KDM1B: variants seen among roughly 807,000 people sequenced by gnomAD.
The protein encoded by KDM1B is lysine-specific histone demethylase 2.
KDM1B carries 63 observed loss-of-function variants against 107.4 expected under a neutral mutation model. That is an observed-to-expected ratio of 0.59 (90% CI 0.48 to 0.72). KDM1B has a LOEUF of 0.72. Among genes scored for constraint, KDM1B ranks in the 30% least tolerant of loss-of-function variants. The pLI is 0.00. For missense variants in KDM1B, 749 were observed against 1,020.8 expected, an observed-to-expected ratio of 0.73 and a Z score of 3.63; for synonymous variants, 363 against 363.9, an observed-to-expected ratio of 1.00 and a Z score of 0.03.
chr6:18,170,850 T>TTGC (rs905929095), intron 6 of KDM1B, among the ~76,000 whole-genome samples: 1 of 151,560 alleles, frequency 6.6e-6, no homozygotes, highest in Non-Finnish European at 1.5e-5. Context: ...AGACGGAGTC[T>TTGC]TGCTCCGTTG....
rs764724180 is a variant in KDM1B at position 18,172,140 on chromosome 6, A to G, written c.534+661A>G. Among the ~76,000 whole-genome samples the G allele has an allele frequency of 2.0e-5, 3 of 152,216 alleles. No individual in the cohort carries two copies. Among genetic ancestry groups the G allele is most frequent in the Non-Finnish European group, 2.9e-5 (2 of 68,038 alleles). Reference sequence around the variant, plus strand: ...AGCCGGATCCTATTAGTGAGGAAGAAAAGATTAATTGATATGCTTGGCAAT... The same window carrying G: ...AGCCGGATCCTATTAGTGAGGAAGAGAAGATTAATTGATATGCTTGGCAAT... On this transcript the variant is annotated intron_variant, in intron 7 of 21. Coordinates refer to ENST00000650836, the MANE Select transcript of KDM1B (RefSeq NM_001364614.2). The surrounding 1 kb of genome is among the most constrained non-coding windows in gnomAD (Gnocchi z 5.2).
At chr6:18,163,908 G>C (rs1409172791) in intron 5 of KDM1B, among the ~76,000 whole-genome samples, 1 of 152,104 alleles carries the variant, frequency 6.6e-6, no homozygotes, top group Non-Finnish European at 1.5e-5. Context: ...TGTCAGGTGG[G>C]TCTATCAGTG....
At chr6:18,167,855 C>T (rs895204078) in intron 6 of KDM1B, among the ~76,000 whole-genome samples, 1 of 152,060 alleles carries the variant, frequency 6.6e-6, no homozygotes, top group Non-Finnish European at 1.5e-5. Flanking sequence ...CTCGGTCTCC[C>T]AGGCTCAAGT....
intron 12 of KDM1B, among the ~76,000 whole-genome samples, chr6:18,198,748 T>C (rs1787833155): frequency 6.6e-6 from 1 of 151,422 alleles, no homozygotes; most frequent in South Asian, 2.1e-4. Flanking sequence ...GTATTAGATA[T>C]TTGGGCCAAG....
intron 7 of KDM1B, among the ~76,000 whole-genome samples, chr6:18,178,479 G>A (rs958043960): frequency 1.3e-5 from 2 of 150,892 alleles, no homozygotes; most frequent in Non-Finnish European, 3.0e-5. Context: ...TGCAACCTCC[G>A]CCTCCCAGGT....
At chr6:18,187,510 C>G (rs1786949153) in intron 8 of KDM1B, among the ~76,000 whole-genome samples, 1 of 152,108 alleles carries the variant, frequency 6.6e-6, no homozygotes, top group South Asian at 2.1e-4. Context: ...TCAGACTCAC[C>G]TGGCATTGGG....
chr6:18,220,021 C>G (rs1789559477), intron 21 of KDM1B, among the ~76,000 whole-genome samples: 1 of 152,196 alleles, frequency 6.6e-6, no homozygotes, highest in Non-Finnish European at 1.5e-5. Context: ...TAAGCCAATC[C>G]TGTTTTCACC....
chr6:18,198,542 T>G (rs1787805293), intron 12 of KDM1B, among the ~76,000 whole-genome samples: 1 of 151,632 alleles, frequency 6.6e-6, no homozygotes, highest in African/African-American at 2.4e-5. Context: ...AGTTAAATTT[T>G]TTTATGCCCG....
In KDM1B at chr6:18,210,342, C is replaced by CTTTTTTTTTTTTTTTTTTTTTTTT. The variant is rs533016543; in HGVS notation, c.1867-2139_1867-2116dup. On this transcript the variant is annotated intron_variant, in intron 17 of 21. Transcript: ENST00000650836. The stretch of plus-strand genomic sequence containing the variant: ...TCTTTCTTTTTTTTCTCTTTCTTTT[C>CTTTTTTTTTTTTTTTTTTTTTTTT]TTTTTTTTTTTTTTTTTTTTTTTTT... Among the ~76,000 whole-genome samples the CTTTTTTTTTTTTTTTTTTTTTTTT allele has an allele frequency of 1.6e-3, 114 of 69,992 alleles. 12 individuals carry two copies. The highest frequency in any genetic ancestry group is 9.3e-3 in the Middle Eastern group (1 of 108). 45.9% of individuals were successfully genotyped at this position (69,992 alleles called of 152,430 possible).
chr6:18,200,670 A>G lies in KDM1B; in HGVS notation c.1359+94A>G. ...TATTAATATGCTTCTAAAGTAAATT[A>G]CATATAACAGCCCCCTCATCTCCTA... On this transcript the variant is annotated intron_variant, in intron 13 of 21. Coordinates refer to ENST00000650836, the MANE Select transcript of KDM1B (RefSeq NM_001364614.2). This position sits in a 1 kb window ranked among gnomAD's most constrained non-coding sequence, Gnocchi z 4.3. 1 of 1,136,716 alleles carries G rather than the reference A, an allele frequency of 8.8e-7. No individual in the cohort carries two copies. 70.4% of individuals were successfully genotyped at this position (1,136,716 alleles called of 1,614,324 possible).
intron 7 of KDM1B, among the ~76,000 whole-genome samples, chr6:18,175,299 C>G (rs1345960222): frequency 6.6e-6 from 1 of 152,106 alleles, no homozygotes; most frequent in Non-Finnish European, 1.5e-5. Context: ...TGAGAATTGT[C>G]TATTCATATC....
At chr6:18,181,312 CT>C (rs1010653795) in intron 7 of KDM1B, among the ~76,000 whole-genome samples, 1 of 151,550 alleles carries the variant, frequency 6.6e-6, no homozygotes, top group Non-Finnish European at 1.5e-5. Context: ...ACTACACACA[CT>C]TTTTTTTTCT....
At chr6:18,195,698 G>A (rs911242741) in intron 10 of KDM1B, among the ~76,000 whole-genome samples, 2 of 135,036 alleles carry the variant, frequency 1.5e-5, no homozygotes, top group African/African-American at 5.9e-5. Flanking sequence ...TTGTGCCACT[G>A]CACTCCAGCC....
chr6:18,179,842 T>A (rs571108460), intron 7 of KDM1B, among the ~76,000 whole-genome samples: 67,244 of 81,274 alleles, frequency 0.83, 30,620 homozygotes, highest in Non-Finnish European at 0.86. Flanking sequence ...TAGCATTGGT[T>A]TTTTTTCCTT....
intron 20 of KDM1B, among the ~76,000 whole-genome samples, chr6:18,217,230 A>T (rs1232594712): frequency 1.3e-5 from 2 of 152,178 alleles, no homozygotes; most frequent in Non-Finnish European, 2.9e-5. Context: ...GAAAGAGAGG[A>T]TAAGACACAA....
In KDM1B at chr6:18,186,676, T is replaced by C. The variant is rs764014776; in HGVS notation, c.573+866T>C. ...GGGTTAACTGACTCACAGTTCTGCA[T>C]GGCTGGGGAGGCCTCAGGAAACTTA... On this transcript the variant is annotated intron_variant, in intron 8 of 21. Transcript: ENST00000650836. The surrounding 1 kb of genome is among the most constrained non-coding windows in gnomAD (Gnocchi z 5.6). 1.3e-5 allele frequency among the ~76,000 whole-genome samples: 2 copies of C among 152,158 alleles called. No homozygotes were observed. The highest frequency in any genetic ancestry group is 2.9e-5 in the Non-Finnish European group (2 of 68,022).
Position 18,162,214 on chromosome 6 carries a change from A to G in KDM1B, c.216-621A>G, listed in dbSNP as rs1312322647. On this transcript the variant is annotated intron_variant, in intron 4 of 21. Transcript: ENST00000650836. This position sits in a 1 kb window ranked among gnomAD's most constrained non-coding sequence, Gnocchi z 4.1. ...CAGAAGCCTGTAATCCCAGCCACTC[A>G]GGAGGCTGAGGCATGAGAATCGCTT... Among the ~76,000 whole-genome samples the G allele has an allele frequency of 6.6e-6, 1 of 152,094 alleles. No individual in the cohort carries two copies. The highest frequency in any genetic ancestry group is 1.5e-5 in the Non-Finnish European group (1 of 68,016).
At chr6:18,190,785 A>G (rs781036582) in intron 9 of KDM1B, among the ~76,000 whole-genome samples, 56 of 152,072 alleles carry the variant, frequency 3.7e-4, no homozygotes, top group Middle Eastern at 3.4e-3. Context: ...CTGTAATCCC[A>G]GCTACTCAAG....
At position 18,221,911 on chromosome 6, in the gene KDM1B, A is replaced by G; in HGVS notation, c.2388A>G (p.Ala796=). Reference sequence around the variant, plus strand: ...AATTATGTAATTATGTTTTACAGGCAACAAACAGGCATTTCCCACAAACTG... The same window carrying G: ...AATTATGTAATTATGTTTTACAGGCGACAAACAGGCATTTCCCACAAACTG... ...IQGTVFFAGE[A]TNRHFPQTVT... Residue 796 remains alanine (A), a splice_region_variant and synonymous_variant, in exon 22 of 22, where the codon GCA becomes GCG. Transcript: ENST00000650836. The G allele has an allele frequency of 6.2e-7, 1 of 1,600,332 alleles. No individual in the cohort carries two copies. Among genetic ancestry groups the G allele is most frequent in the South Asian group, 1.1e-5 (1 of 89,534 alleles).
Sources: allele counts gnomAD v4.1 joint callset (sites outside exome capture counted in the v4.1 genomes callset), GRCh38; gene constraint gnomAD v4.1.1; non-coding constraint Gnocchi (gnomAD v3.1); transcripts MANE v1.5; gene names NCBI Gene and HGNC (gene_info 2026-07-23, HGNC 2026-07-21).